SH3BGR: variants seen among roughly 807,000 people sequenced by gnomAD.
SH3BGR encodes the protein SH3 domain-binding glutamic acid-rich protein.
A neutral mutation model predicts 24.5 loss-of-function variants in SH3BGR; 29 were observed. The observed-to-expected ratio is 1.18, with a 90% CI of 0.88 to 1.61. The LOEUF is 1.61. Among genes scored for constraint, SH3BGR ranks in the 40% most tolerant of loss-of-function variants. The pLI is 0.00. For missense variants in SH3BGR, 162 were observed against 205.8 expected (o/e 0.79, Z 1.30); for synonymous variants, 55 against 65.7 (o/e 0.84, Z 0.79).
intron 3 of SH3BGR, among the ~76,000 whole-genome samples, chr21:39,478,979 A>G (rs1404726536): frequency 6.6e-6 from 1 of 151,954 alleles, no homozygotes; most frequent in Non-Finnish European, 1.5e-5. Flanking sequence ...TGTTTTCTCT[A>G]ATTCTGTTTC....
intron 3 of SH3BGR, among the ~76,000 whole-genome samples, chr21:39,484,606 G>A (rs1343189393): frequency 2.0e-5 from 3 of 152,254 alleles, no homozygotes; most frequent in Non-Finnish European, 2.9e-5. Context: ...TTTTGTGGAA[G>A]AAAGGGATGG....
At position 39,490,203 on chromosome 21, in the gene SH3BGR, C is replaced by T. The variant is rs149208549; in HGVS notation, c.313-9620C>T. On this transcript the variant is annotated intron_variant, in intron 3 of 6. Transcript: ENST00000333634. The stretch of plus-strand genomic sequence containing the variant: ...TTCAGAACATTTATGTTAACAAGGC[C>T]GGGAGGCAGAGCTGAGGAAAACAGA... 3.5e-3 allele frequency among the ~76,000 whole-genome samples: 535 copies of T among 152,030 alleles called. 4 individuals are homozygous for T. The highest frequency in any genetic ancestry group is 0.012 in the African/African-American group (500 of 41,442).
At chr21:39,479,232 G>GGTGATGGTGA (rs1569160807) in intron 3 of SH3BGR, among the ~76,000 whole-genome samples, 2 of 141,640 alleles carry the variant, frequency 1.4e-5, no homozygotes, top group African/African-American at 5.5e-5. Flanking sequence ...AAGGGTGGTG[G>GGTGATGGTGA]TGGTGGTGGT....
intron 3 of SH3BGR, among the ~76,000 whole-genome samples, chr21:39,497,621 G>A (rs1251543620): frequency 1.3e-5 from 2 of 151,874 alleles, no homozygotes; most frequent in African/African-American, 4.8e-5. Context: ...AATGAGCAAT[G>A]CATTCACTGC....
upstream of SH3BGR, chr21:39,451,963 G>A (rs768003351): frequency 2.7e-5 from 44 of 1,614,032 alleles, 1 homozygote; most frequent in Non-Finnish European, 3.5e-5. Flanking sequence ...CGGGACTGCC[G>A]GAGCCCAGTG....
At chr21:39,467,290 GAA>G (rs1231716750) in intron 2 of SH3BGR, among the ~76,000 whole-genome samples, 1 of 151,964 alleles carries the variant, frequency 6.6e-6, no homozygotes, top group East Asian at 1.9e-4. Context: ...GGAGGAGAAA[GAA>G]AAGGTTTTCC....
chr21:39,486,160 A>G (rs761271283), intron 3 of SH3BGR, among the ~76,000 whole-genome samples: 29 of 152,232 alleles, frequency 1.9e-4, no homozygotes, highest in Non-Finnish European at 4.0e-4. Flanking sequence ...CATGCTAACA[A>G]AAATATCTGT....
intron 4 of SH3BGR, among the ~76,000 whole-genome samples, chr21:39,503,209 A>G (rs1316511646): frequency 6.6e-6 from 1 of 152,214 alleles, no homozygotes; most frequent in East Asian, 1.9e-4. Flanking sequence ...CACACTTATT[A>G]TGAGAAGGAA....
chr21:39,451,540 T>G (rs2077574252), upstream of SH3BGR, among the ~76,000 whole-genome samples: 1 of 152,182 alleles, frequency 6.6e-6, no homozygotes, highest in East Asian at 1.9e-4. Context: ...AAAAACAAAG[T>G]TGCTCTTTAC....
chr21:39,465,807 G>T (rs1237305536), intron 2 of SH3BGR, among the ~76,000 whole-genome samples: 1 of 152,102 alleles, frequency 6.6e-6, no homozygotes, highest in Non-Finnish European at 1.5e-5. Flanking sequence ...TCCCAGGCTG[G>T]TCTCACACTC....
chr21:39,502,730 G>A (rs2078516815), intron 4 of SH3BGR, among the ~76,000 whole-genome samples: 1 of 152,234 alleles, frequency 6.6e-6, no homozygotes, highest in Admixed American at 6.5e-5. Context: ...CTGGTTGTCT[G>A]TGGTGGTGTT....
At chr21:39,461,046 T>G (rs1263400090) in intron 1 of SH3BGR, among the ~76,000 whole-genome samples, 3 of 152,184 alleles carry the variant, frequency 2.0e-5, no homozygotes, top group Non-Finnish European at 4.4e-5. Flanking sequence ...ATTAAAAGTA[T>G]TTTGAAGACT....
intron 3 of SH3BGR, among the ~76,000 whole-genome samples, chr21:39,495,482 C>CT (rs543877521): frequency 0.12 from 17,095 of 140,070 alleles, 1,734 homozygotes; most frequent in African/African-American, 0.29. Context: ...GTAAAAGTCT[C>CT]TTTTTTTTTT....
intron 3 of SH3BGR, among the ~76,000 whole-genome samples, chr21:39,492,241 T>C (rs1303143153): frequency 1.3e-5 from 2 of 152,082 alleles, no homozygotes; most frequent in African/African-American, 2.4e-5. Flanking sequence ...TTCCCACCCT[T>C]TCCCCCTGAG....
chr21:39,481,382 TA>T (rs1602120551), intron 3 of SH3BGR, among the ~76,000 whole-genome samples: 2 of 152,218 alleles, frequency 1.3e-5, no homozygotes, highest in East Asian at 3.9e-4. Flanking sequence ...TTCCAGCCAT[TA>T]AAAAAAGTAA....
intron 3 of SH3BGR, among the ~76,000 whole-genome samples, chr21:39,493,601 C>T (rs2078341823): frequency 6.6e-6 from 1 of 152,038 alleles, no homozygotes; most frequent in East Asian, 1.9e-4. Flanking sequence ...TATGTGGGCT[C>T]TTTTATGGTT....
chr21:39,454,419 C>T (rs978924151), intron 1 of SH3BGR, among the ~76,000 whole-genome samples: 6 of 152,178 alleles, frequency 3.9e-5, no homozygotes, highest in African/African-American at 1.2e-4. Flanking sequence ...CTGTGTATTA[C>T]ATCTCAATTT....
intron 4 of SH3BGR, among the ~76,000 whole-genome samples, chr21:39,505,279 A>C (rs1167547044): frequency 6.6e-6 from 1 of 152,170 alleles, no homozygotes; most frequent in Non-Finnish European, 1.5e-5. Flanking sequence ...AAAATGACAG[A>C]GTCACTGCCC....
chr21:39,483,614 C>T lies in SH3BGR; in HGVS notation c.312+8399C>T, dbSNP rs982574601. 1.1e-4 allele frequency among the ~76,000 whole-genome samples: 17 copies of T among 152,274 alleles called. 1 individual carries two copies. The highest frequency in any genetic ancestry group is 4.1e-4 in the African/African-American group (17 of 41,556). On this transcript the variant is annotated intron_variant, in intron 3 of 6. Coordinates refer to ENST00000333634, the MANE Select transcript of SH3BGR (RefSeq NM_007341.3). ...CTGAATTTGGGGGCAAGATTTTTAA[C>T]GTTTTCCCAGCTATAAAATGAAGAG...
Sources: gnomAD v4.1 joint callset for allele counts (sites outside exome capture counted in the v4.1 genomes callset) on GRCh38, gnomAD v4.1.1 for gene constraint, MANE v1.5 for transcripts, NCBI Gene and HGNC (gene_info 2026-07-23, HGNC 2026-07-21) for gene names.